The following UBE2E3 variants were observed in gnomAD, a reference collection of about 807,000 sequenced individuals.
UBE2E3 encodes ubiquitin conjugating enzyme E2 E3, also known as ubiquitin-conjugating enzyme E2 E3.
UBE2E3 carries 5 observed loss-of-function variants against 23.6 expected under a neutral mutation model. The ratio of observed to expected loss-of-function variants is 0.21; its 90% CI spans 0.11 to 0.44. The LOEUF is 0.44. Ranked by LOEUF, UBE2E3 falls within the 20% of genes least tolerant of loss-of-function variation. The pLI is 0.99. For missense variants in UBE2E3, 81 were observed against 249.8 expected (o/e 0.32, Z 4.55); for synonymous variants, 78 against 87.5 (o/e 0.89, Z 0.60).
chr2:181,039,123 CTTTTTTTTTTTTTT>C (rs11289425), intron 3 of UBE2E3, among the ~76,000 whole-genome samples: 14 of 66,258 alleles, frequency 2.1e-4, no homozygotes, highest in South Asian at 6.6e-4. Flanking sequence ...AGAATGTGAC[CTTTTTTTTTTTTTT>C]TTTTTTTTTT....
At position 180,989,781 on chromosome 2, in the gene UBE2E3, A is replaced by T. The variant is rs1684599392; in HGVS notation, c.245+5688A>T. 6 of 1,265,796 alleles carry T rather than the reference A, an allele frequency of 4.7e-6. No homozygotes were observed. In the Admixed American group the frequency reaches 1.8e-4, roughly 37 times the overall value. 78.4% of individuals were successfully genotyped at this position (1,265,796 alleles called of 1,614,324 possible). ...AGTTATATGTTTACTTCGCAGCTAC[A>T]TGCTCACATAACCAGTCATATTCCT... On this transcript the variant is annotated intron_variant, in intron 3 of 5. Coordinates refer to ENST00000410062, the MANE Select transcript of UBE2E3 (RefSeq NM_006357.4).
chr2:180,993,642 C>T (rs1421231110), intron 3 of UBE2E3, among the ~76,000 whole-genome samples: 1 of 152,108 alleles, frequency 6.6e-6, no homozygotes, highest in South Asian at 2.1e-4. Context: ...TATTCCCTTT[C>T]TGAGGATGGT....
chr2:181,017,650 C>CA (rs1553536925), intron 3 of UBE2E3, among the ~76,000 whole-genome samples: 1 of 10,178 alleles, frequency 9.8e-5, no homozygotes, highest in Non-Finnish European at 5.4e-4. Flanking sequence ...TTCCTTGATC[C>CA]ATTTTTTTTT....
chr2:181,051,934 A>G (rs1686854593), intron 3 of UBE2E3, among the ~76,000 whole-genome samples: 2 of 151,932 alleles, frequency 1.3e-5, no homozygotes, highest in Admixed American at 1.3e-4. Context: ...TAAGTCAAAA[A>G]TACGTTTTCC....
intron 3 of UBE2E3, among the ~76,000 whole-genome samples, chr2:181,029,154 T>C (rs912890369): frequency 1.3e-5 from 2 of 152,166 alleles, no homozygotes; most frequent in South Asian, 2.1e-4. Flanking sequence ...TGTGTTGGGC[T>C]CTTCCATTCT....
intron 3 of UBE2E3, among the ~76,000 whole-genome samples, chr2:181,051,623 A>G (rs1419073689): frequency 6.6e-6 from 1 of 151,866 alleles, no homozygotes; most frequent in African/African-American, 2.4e-5. Context: ...TCGTATCAAC[A>G]TTAGGAACAG....
chr2:181,050,423 T>C (rs1373910435), intron 3 of UBE2E3, among the ~76,000 whole-genome samples: 2 of 152,038 alleles, frequency 1.3e-5, no homozygotes, highest in South Asian at 2.1e-4. Flanking sequence ...TTCAGAAATA[T>C]AATCCTAAAG....
intron 5 of UBE2E3, 131 bp from the exon 6 acceptor site, chr2:181,062,660 C>A (rs1435328876): frequency 1.4e-5 from 6 of 413,906 alleles, no homozygotes; most frequent in Non-Finnish European, 2.6e-5. Flanking sequence ...TAAACTTTTT[C>A]TTTTGAAAAT....
At chr2:180,987,460 A>T in intron 3 of UBE2E3, 1 of 1,494,398 alleles carries the variant, frequency 6.7e-7, no homozygotes, top group Non-Finnish European at 9.1e-7. Flanking sequence ...TATACTGACG[A>T]ATATTTTAAG....
chr2:180,982,000 C>T lies in UBE2E3; in HGVS notation c.-25-18C>T, dbSNP rs1412257662. The T allele has an allele frequency of 5.8e-6, 9 of 1,545,598 alleles. No homozygotes were observed. Among genetic ancestry groups the T allele is most frequent in the African/African-American group, 2.8e-5 (2 of 72,080 alleles). On this transcript the variant is annotated intron_variant, in intron 1 of 5. Coordinates refer to ENST00000410062, the MANE Select transcript of UBE2E3 (RefSeq NM_006357.4). ...GATTTAACATTTTCTCCTCCTCCTCCCCTGTTCTCTTTAAAAGTTTTCCAA... is the reference window on the plus strand; with the variant it reads ...GATTTAACATTTTCTCCTCCTCCTCTCCTGTTCTCTTTAAAAGTTTTCCAA...
At chr2:181,031,892 T>C (rs1474313810) in intron 3 of UBE2E3, among the ~76,000 whole-genome samples, 1 of 152,188 alleles carries the variant, frequency 6.6e-6, no homozygotes, top group Admixed American at 6.6e-5. Context: ...GATTAAATGT[T>C]TCCAGACTAG....
intron 3 of UBE2E3, among the ~76,000 whole-genome samples, chr2:181,014,821 C>T (rs1685438006): frequency 6.6e-6 from 1 of 152,084 alleles, no homozygotes; most frequent in African/African-American, 2.4e-5. Context: ...GGATATCCAT[C>T]ATCTCAAACA....
chr2:181,026,057 T>C (rs963175231), intron 3 of UBE2E3, among the ~76,000 whole-genome samples: 1 of 151,910 alleles, frequency 6.6e-6, no homozygotes, highest in Non-Finnish European at 1.5e-5. Context: ...AACAGAGCAG[T>C]TAATACAATG....
chr2:181,014,014 G>T (rs1323672074), intron 3 of UBE2E3, among the ~76,000 whole-genome samples: 1 of 152,196 alleles, frequency 6.6e-6, no homozygotes, highest in Non-Finnish European at 1.5e-5. Context: ...AGTGGAGGTT[G>T]TAAGAAGTAG....
At chr2:180,998,791 T>TA (rs755575257) in intron 3 of UBE2E3, among the ~76,000 whole-genome samples, 6 of 152,154 alleles carry the variant, frequency 3.9e-5, no homozygotes, top group Admixed American at 6.5e-5. Context: ...AAGCAACAGA[T>TA]ACGTTTTTAT....
chr2:181,023,871 G>A (rs529804524), intron 3 of UBE2E3, among the ~76,000 whole-genome samples: 2 of 152,218 alleles, frequency 1.3e-5, no homozygotes, highest in Non-Finnish European at 2.9e-5. Context: ...ACGTAAGTTC[G>A]TGCTAGATAA....
intron 3 of UBE2E3, among the ~76,000 whole-genome samples, chr2:181,039,730 T>G (rs1686422969): frequency 6.6e-6 from 1 of 152,204 alleles, no homozygotes; most frequent in Admixed American, 6.5e-5. Flanking sequence ...GTCTAGGAGT[T>G]AAATAAAATT....
chr2:181,049,750 C>T (rs1005065135), intron 3 of UBE2E3, among the ~76,000 whole-genome samples: 2 of 151,888 alleles, frequency 1.3e-5, no homozygotes, highest in Non-Finnish European at 2.9e-5. Flanking sequence ...ATATGTACAC[C>T]TGACTGCCAG....
In UBE2E3 at chr2:180,984,119, G is replaced by T. The variant is rs557260007; in HGVS notation, c.245+26G>T. ...GTAAGAAATGAATTTTGTTGTTTTG[G>T]TTTCAAATTGTGGAAAAATACCAAG... is the stretch of plus-strand genomic sequence containing the variant. On this transcript the variant is annotated intron_variant, in intron 3 of 5. Transcript: ENST00000410062. 285 of 1,591,738 alleles carry T rather than the reference G, an allele frequency of 1.8e-4. No homozygotes were observed. The South Asian group carries it at 3.0e-3, about 17-fold the overall frequency.
Sources: allele counts gnomAD v4.1 joint callset (sites outside exome capture counted in the v4.1 genomes callset), GRCh38; gene constraint gnomAD v4.1.1; transcripts MANE v1.5; gene names NCBI Gene and HGNC (gene_info 2026-07-23, HGNC 2026-07-21).